Variants in ZFHX3 observed in about 807,000 individuals in gnomAD.
ZFHX3 encodes the protein zinc finger homeobox 3, also known as zinc finger homeobox protein 3.
In ZFHX3, 42 loss-of-function variants were observed where a neutral mutation model predicts 279.1. That is an observed-to-expected ratio of 0.15 (90% confidence interval 0.12 to 0.19). The LOEUF (loss-of-function observed/expected upper bound fraction) is 0.19. Ranked by LOEUF, ZFHX3 falls within the 10% of genes least tolerant of loss-of-function variation. ZFHX3 has a pLI of 1.00. For synonymous variants in ZFHX3, 2,293 were observed against 1,957.8 expected, an observed-to-expected ratio of 1.17 and a Z score of -4.52; for missense variants, 4,981 against 4,754.0, an observed-to-expected ratio of 1.05 and a Z score of -1.40.
chr16:73,052,337 T>G (rs1307740023), upstream of ZFHX3, among the ~76,000 whole-genome samples: 1 of 148,464 alleles, frequency 6.7e-6, no homozygotes, highest in Non-Finnish European at 1.5e-5. Context: ...GGTTGGAGTT[T>G]ATTTTTTTTT....
In ZFHX3 at chr16:72,787,356, C is replaced by A. The variant is rs760411014; in HGVS notation, c.10920G>T (p.Thr3640=). ...PSFPPLSSSS[T]VTSSSCSTSG... Reference sequence around the variant, plus strand: ...AGGTGCTGCATGAACTTGAGGTAACCGTTGAAGATGAGGAGAGAGGAGGAA... The same window carrying A: ...AGGTGCTGCATGAACTTGAGGTAACAGTTGAAGATGAGGAGAGAGGAGGAA... The change falls in exon 10 of 10, where the codon ACG becomes ACT. Residue 3640 remains threonine (T), a synonymous_variant. Transcript: ENST00000268489. The A allele has an allele frequency of 4.3e-6, 7 of 1,612,422 alleles. No individual in the cohort carries two copies. The highest frequency in any genetic ancestry group is 5.1e-6 in the Non-Finnish European group (6 of 1,179,252).
chr16:72,933,835 T>TTTTTTC, intron 3 of ZFHX3, among the ~76,000 whole-genome samples: 1 of 140,364 alleles, frequency 7.1e-6, no homozygotes, highest in Non-Finnish European at 1.5e-5. Flanking sequence ...TTTTTTTTTT[T>TTTTTTC]TGAGACAGAG....
chr16:73,226,414 T>A (rs1567423346), intron 5 of ZFHX3, among the ~76,000 whole-genome samples: 1 of 152,264 alleles, frequency 6.6e-6, no homozygotes, highest in African/African-American at 2.4e-5. Context: ...CATGCTATTT[T>A]AAAAAGTGCG....
chr16:72,957,537 A>C lies in ZFHX3; in HGVS notation c.2609T>G (p.Met870Arg), dbSNP rs1199835782. ...ELYQYYLAQN[M>R]NLPNLKMDSA... ...GTCCATCTTCAGGTTGGGCAGGTTC[A>C]TGTTCTGGGCCAGGTAGTATTGGTA... Residue 870 changes from methionine (M) to arginine (R), a missense_variant, in exon 2 of 10, where the codon ATG becomes AGG. Coordinates refer to ENST00000268489, the MANE Select transcript of ZFHX3 (RefSeq NM_006885.4). 12 of 1,614,026 alleles carry C rather than the reference A, an allele frequency of 7.4e-6. No homozygotes were observed. The highest frequency in any genetic ancestry group is 7.6e-6 in the Non-Finnish European group (9 of 1,180,042).
chr16:73,475,629 T>C (rs2018753079), intron 2 of ZFHX3, among the ~76,000 whole-genome samples: 1 of 152,150 alleles, frequency 6.6e-6, no homozygotes, highest in Non-Finnish European at 1.5e-5. Flanking sequence ...TGTTAATAAA[T>C]TTGAAACTGT....
intron 4 of ZFHX3, among the ~76,000 whole-genome samples, chr16:72,872,541 TC>T (rs1427929474): frequency 3.9e-5 from 6 of 152,188 alleles, no homozygotes; most frequent in African/African-American, 1.4e-4. Context: ...CACTGCAACC[TC>T]CGTCTCCCGG....
At chr16:73,060,034 C>G (rs146701321), upstream of ZFHX3, among the ~76,000 whole-genome samples, 2 of 152,018 alleles carry the variant, frequency 1.3e-5, no homozygotes, top group African/African-American at 4.8e-5. Flanking sequence ...TCAATTTTCT[C>G]GTGTGAAACC....
intron 1 of ZFHX3, among the ~76,000 whole-genome samples, chr16:72,965,521 G>A (rs1409965936): frequency 1.3e-5 from 2 of 152,180 alleles, no homozygotes; most frequent in Admixed American, 1.3e-4. Flanking sequence ...CTACAGATCA[G>A]GAAACATATT....
At chr16:73,323,852 G>A (rs115066144) in intron 3 of ZFHX3, among the ~76,000 whole-genome samples, 2,837 of 152,298 alleles carry the variant, frequency 0.019, 91 homozygotes, top group African/African-American at 0.064. Context: ...ATCTCATAAA[G>A]GATGAAAACA....
intron 5 of ZFHX3, among the ~76,000 whole-genome samples, chr16:73,250,475 A>G (rs1269003163): frequency 6.6e-6 from 1 of 152,232 alleles, no homozygotes; most frequent in Non-Finnish European, 1.5e-5. Flanking sequence ...GGCATTAATT[A>G]CAATCACAAT....
chr16:73,237,436 G>T (rs1413665062), intron 5 of ZFHX3, among the ~76,000 whole-genome samples: 1 of 150,382 alleles, frequency 6.6e-6, no homozygotes, highest in Admixed American at 6.6e-5. Flanking sequence ...ATGGGGTTTT[G>T]CCATGTTGTC....
At chr16:73,406,619 G>A (rs1443448437) in intron 3 of ZFHX3, among the ~76,000 whole-genome samples, 1 of 152,164 alleles carries the variant, frequency 6.6e-6, no homozygotes, top group Non-Finnish European at 1.5e-5. Flanking sequence ...CAGATTCAGA[G>A]CCAGATGGGC....
At chr16:73,705,056 A>G (rs1464009877) in intron 1 of ZFHX3, among the ~76,000 whole-genome samples, 1 of 152,218 alleles carries the variant, frequency 6.6e-6, no homozygotes, top group Non-Finnish European at 1.5e-5. Flanking sequence ...TGTAAACACC[A>G]TTCAATAGTA....
At chr16:73,118,835 T>G (rs1281461028) in intron 7 of ZFHX3, among the ~76,000 whole-genome samples, 1 of 152,216 alleles carries the variant, frequency 6.6e-6, no homozygotes, top group Non-Finnish European at 1.5e-5. Context: ...TGACATTTTT[T>G]GGTTGCTACC....
intron 7 of ZFHX3, chr16:73,123,301 C>T (rs760023894): frequency 2.7e-5 from 4 of 147,560 alleles, no homozygotes; most frequent in Admixed American, 6.9e-5. Context: ...ATACTACTCA[C>T]GGGACATCAG....
At chr16:72,932,637 T>A (rs1235055145) in intron 3 of ZFHX3, among the ~76,000 whole-genome samples, 1 of 117,830 alleles carries the variant, frequency 8.5e-6, no homozygotes, top group Non-Finnish European at 1.7e-5. Flanking sequence ...GGAAATTCCA[T>A]CTCCCTGCTC....
chr16:73,481,259 G>A (rs2018859643), intron 2 of ZFHX3, among the ~76,000 whole-genome samples: 1 of 151,838 alleles, frequency 6.6e-6, no homozygotes, highest in Admixed American at 6.6e-5. Flanking sequence ...AATCCAGGAG[G>A]TGGAGGCTGC....
At chr16:73,094,622 G>C (rs535400570) in intron 7 of ZFHX3, 1 of 151,916 alleles carries the variant, frequency 6.6e-6, no homozygotes, top group Admixed American at 6.6e-5. Context: ...ACCAGATCAC[G>C]GTGGGTCCAC....
At chr16:73,516,203 C>G (rs1423852916) in intron 2 of ZFHX3, among the ~76,000 whole-genome samples, 1 of 152,194 alleles carries the variant, frequency 6.6e-6, no homozygotes, top group Non-Finnish European at 1.5e-5. Context: ...GAAAAGAGAA[C>G]CACACTAAAT....
Sources: gnomAD v4.1 joint callset for allele counts (sites outside exome capture counted in the v4.1 genomes callset) on GRCh38, gnomAD v4.1.1 for gene constraint, MANE v1.5 for transcripts, NCBI Gene and HGNC (gene_info 2026-07-23, HGNC 2026-07-21) for gene names.